The following CHFR variants were observed in gnomAD, a reference collection of about 807,000 sequenced individuals.
CHFR encodes E3 ubiquitin-protein ligase CHFR.
A neutral mutation model predicts 87.6 loss-of-function variants in CHFR; 57 were observed. That is an observed-to-expected ratio of 0.65 (90% CI 0.53 to 0.81). The LOEUF (loss-of-function observed/expected upper bound fraction) is 0.81. Ranked by LOEUF, CHFR falls within the 30% of genes least tolerant of loss-of-function variation. CHFR has a pLI of 0.00. For synonymous variants in CHFR, 381 were observed against 359.2 expected (o/e 1.06, Z -0.69); for missense variants, 797 against 865.8 (o/e 0.92, Z 1.00).
Position 132,861,469 on chromosome 12 carries a change from C to G in CHFR, c.749G>C (p.Gly250Ala). 1 of 1,614,112 alleles carries G rather than the reference C, an allele frequency of 6.2e-7. No homozygotes were observed. The highest frequency in any genetic ancestry group is 8.5e-7 in the Non-Finnish European group (1 of 1,179,934). The change falls in exon 7 of 18, where the codon GGA (glycine) becomes GCA (alanine). Residue 250 changes from glycine (G) to alanine (A), a missense_variant and splice_region_variant. By Grantham distance (60) the Gly-to-Ala change is moderately conservative. Around this residue, in one of 2 missense-constraint regions of CHFR, gnomAD observed 597 missense variants for 601.2 expected, o/e 0.99. Transcript: ENST00000450056. ...DLEPVKKKMR[G>A]DGDLDLNGQL... ...GACACACACAACCAGACACTAACCTCCTCTCATTTTCTTCTTCACGGGCTC... is the reference window on the plus strand; with the variant it reads ...GACACACACAACCAGACACTAACCTGCTCTCATTTTCTTCTTCACGGGCTC...
In CHFR at chr12:132,834,909, G is replaced by C. The variant is rs1950635731; in HGVS notation, c.*6645C>G. 1 of 150,992 alleles carries C rather than the reference G, an allele frequency of 6.6e-6. No individual in the cohort carries two copies. The highest frequency in any genetic ancestry group is 1.5e-5 in the Non-Finnish European group (1 of 67,784). The allele number at this position is 150,992 out of a possible 1,614,324, so 9.4% of individuals were successfully genotyped here. On this transcript the variant is annotated 3_prime_UTR_variant, in exon 18 of 18. Transcript: ENST00000450056. ...TTTTTGGTATTTTTTAGTAGAGACG[G>C]GGTTTCACCATGTTAGCCAGGATGG... is the stretch of plus-strand genomic sequence containing the variant.
chr12:132,875,411 G>A, intron 3 of CHFR, among the ~76,000 whole-genome samples: 1 of 152,202 alleles, frequency 6.6e-6, no homozygotes, highest in East Asian at 1.9e-4. Context: ...GGAGGCTGAG[G>A]CAGGTGGATC....
At chr12:132,878,825 AAAAAAAAG>A (rs1354421824) in intron 2 of CHFR, among the ~76,000 whole-genome samples, 3 of 141,638 alleles carry the variant, frequency 2.1e-5, no homozygotes, top group Admixed American at 2.1e-4. Flanking sequence ...GTCTCAAAAA[AAAAAAAAG>A]AAAAAAAAAA....
intron 16 of CHFR, 51 bp from the exon 17 acceptor site, chr12:132,843,134 C>A (rs1452454729): frequency 6.6e-7 from 1 of 1,519,684 alleles, no homozygotes; most frequent in East Asian, 2.3e-5. Flanking sequence ...CACGCACCCA[C>A]TCAGCTACCT....
Position 132,858,713 on chromosome 12 carries a change from C to A in CHFR, c.911+355G>T, listed in dbSNP as rs1368583000. Among the ~76,000 whole-genome samples the A allele has an allele frequency of 2.9e-5, 3 of 103,522 alleles. No homozygotes were observed. In the South Asian group the frequency reaches 1.0e-3, roughly 35 times the overall value. 67.9% of individuals were successfully genotyped at this position (103,522 alleles called of 152,430 possible). On this transcript the variant is annotated intron_variant, in intron 8 of 17. Coordinates refer to ENST00000450056, the MANE Select transcript of CHFR (RefSeq NM_001161346.2). ...ACTGCACTCCAGCCTGGTGACAGAG[C>A]GAGACTCCATCTAAAAAAAAAAAAA... is the stretch of plus-strand genomic sequence containing the variant.
intron 2 of CHFR, among the ~76,000 whole-genome samples, chr12:132,883,426 C>CAA (rs1281973967): frequency 0.21 from 19,405 of 92,742 alleles, 1,846 homozygotes; most frequent in Admixed American, 0.29. Flanking sequence ...AACTCCGTCT[C>CAA]AAAAAAAAAA....
In CHFR at chr12:132,836,652, C is replaced by A; in HGVS notation, c.*4902G>T. 1 of 456,088 alleles carries A rather than the reference C, an allele frequency of 2.2e-6. No individual in the cohort carries two copies. Among genetic ancestry groups the A allele is most frequent in the East Asian group, 6.9e-5 (1 of 14,404 alleles). The allele number at this position is 456,088 out of a possible 1,614,324, so 28.3% of individuals were successfully genotyped here. On this transcript the variant is annotated 3_prime_UTR_variant, in exon 18 of 18. Transcript: ENST00000450056. ...AGTCCATTCCTTCCACAGACATGCA[C>A]GACCAAGTGTCTGCTCTGTGTGAGG...
Position 132,869,680 on chromosome 12 carries a change from G to A in CHFR, c.522C>T (p.Pro174=). Residue 174 remains proline (P), a synonymous_variant, in exon 6 of 18, where the codon CCC becomes CCT. Transcript: ENST00000450056. ...QPSTSTSDLF[P]TASASSTEPS... Reference sequence around the variant, plus strand: ...GCTCCGTGGAAGAGGCCGAGGCTGTGGGGAAGAGGTCTGACGTCGATGTTG... The same window carrying A: ...GCTCCGTGGAAGAGGCCGAGGCTGTAGGGAAGAGGTCTGACGTCGATGTTG... The A allele has an allele frequency of 6.4e-7, 1 of 1,551,732 alleles. No homozygotes were observed. Among genetic ancestry groups the A allele is most frequent in the Non-Finnish European group, 8.7e-7 (1 of 1,147,008 alleles).
chr12:132,851,542 G>A, intron 12 of CHFR, 76 bp downstream of exon 12: 1 of 1,485,514 alleles, frequency 6.7e-7, no homozygotes, highest in Non-Finnish European at 9.0e-7. Context: ...GTTACCCTAA[G>A]GCCAACACCG....
At chr12:132,842,821 A>C (rs2136912493) in intron 17 of CHFR, among the ~76,000 whole-genome samples, 190 bp downstream of exon 17, 1 of 152,376 alleles carries the variant, frequency 6.6e-6, no homozygotes, top group East Asian at 1.9e-4. Context: ...GAAGACACAG[A>C]AGTGGAAGAC....
At chr12:132,879,687 G>A (rs1041412540) in intron 2 of CHFR, among the ~76,000 whole-genome samples, 1 of 152,104 alleles carries the variant, frequency 6.6e-6, no homozygotes, top group Admixed American at 6.6e-5. Context: ...CCAGCGCCCG[G>A]CCCTGAATAC....
At chr12:132,855,672 A>G (rs1302868473) in intron 10 of CHFR, among the ~76,000 whole-genome samples, 1 of 152,198 alleles carries the variant, frequency 6.6e-6, no homozygotes, top group Non-Finnish European at 1.5e-5. Flanking sequence ...TCTCAAAAAA[A>G]AAAGAAAAAA....
intron 11 of CHFR, among the ~76,000 whole-genome samples, chr12:132,853,125 T>C (rs1237094515): frequency 1.3e-5 from 2 of 152,184 alleles, no homozygotes; most frequent in Admixed American, 6.5e-5. Flanking sequence ...GCAAACCCAC[T>C]GGGGGACATC....
At chr12:132,846,363 C>T (rs1011855671) in intron 15 of CHFR, among the ~76,000 whole-genome samples, 1 of 151,394 alleles carries the variant, frequency 6.6e-6, no homozygotes. Flanking sequence ...CCCGGGTTCA[C>T]GCCATTCTCC....
At chr12:132,878,792 C>A (rs1156384062) in intron 2 of CHFR, among the ~76,000 whole-genome samples, 2 of 143,500 alleles carry the variant, frequency 1.4e-5, no homozygotes, top group Non-Finnish European at 3.0e-5. Flanking sequence ...TGCACTCCAG[C>A]CTGGGTGACA....
intron 2 of CHFR, among the ~76,000 whole-genome samples, chr12:132,881,416 T>C (rs774699430): frequency 2.0e-5 from 3 of 152,122 alleles, no homozygotes; most frequent in Non-Finnish European, 2.9e-5. Context: ...AAATAGAAAG[T>C]AAATAATGCA....
At chr12:132,873,346 A>C (rs931972812) in intron 3 of CHFR, among the ~76,000 whole-genome samples, 3 of 152,228 alleles carry the variant, frequency 2.0e-5, no homozygotes, top group Non-Finnish European at 4.4e-5. Flanking sequence ...GAACTGCCAC[A>C]GCCGTCTCCC....
At chr12:132,874,765 A>G (rs1951585374) in intron 3 of CHFR, among the ~76,000 whole-genome samples, 1 of 150,022 alleles carries the variant, frequency 6.7e-6, no homozygotes, top group Non-Finnish European at 1.5e-5. Flanking sequence ...GCCCTGGAAC[A>G]GGCGGGACTA....
chr12:132,861,730 G>A (rs753746683), intron 6 of CHFR, 96 bp from the exon 7 acceptor site: 79 of 1,175,932 alleles, frequency 6.7e-5, no homozygotes, highest in Non-Finnish European at 9.0e-5. Context: ...AGTGCAGCTG[G>A]CAGCCTGAGA....
Sources: allele counts gnomAD v4.1 joint callset (sites outside exome capture counted in the v4.1 genomes callset), GRCh38; gene constraint gnomAD v4.1.1; regional missense constraint gnomAD v4.1.1; transcripts MANE v1.5; gene names NCBI Gene and HGNC (gene_info 2026-07-23, HGNC 2026-07-21).